The following FHIT variants were observed in gnomAD, a reference collection of about 807,000 sequenced individuals.
FHIT encodes the protein fragile histidine triad diadenosine triphosphatase.
A neutral mutation model predicts 17.9 loss-of-function variants in FHIT; 19 were observed. The observed-to-expected ratio is 1.06, with a 90% CI of 0.74 to 1.56. The LOEUF is 1.56. FHIT is among the 40% of genes most tolerant of loss of function. The pLI is 0.00. For synonymous variants in FHIT, 81 were observed against 69.7 expected (o/e 1.16, Z -0.81); for missense variants, 248 against 189.2 (o/e 1.31, Z -1.82).
intron 7 of FHIT, among the ~76,000 whole-genome samples, chr3:59,995,728 A>T (rs1397707154): frequency 6.6e-6 from 1 of 152,070 alleles, no homozygotes; most frequent in Non-Finnish European, 1.5e-5. Flanking sequence ...ACACATACCT[A>T]AACCACACAC....
intron 5 of FHIT, among the ~76,000 whole-genome samples, chr3:60,215,141 G>A (rs565614620): frequency 6.6e-6 from 1 of 152,008 alleles, no homozygotes; most frequent in South Asian, 2.1e-4. Flanking sequence ...CGTGTAACAA[G>A]CCTGGATGCA....
At chr3:60,690,503 T>C in intron 4 of FHIT, 1 of 564,364 alleles carries the variant, frequency 1.8e-6, no homozygotes, top group Admixed American at 1.9e-5. Flanking sequence ...TTGCTACCAG[T>C]GCCATTATGG....
At chr3:61,198,291 C>T (rs2038910538) in intron 2 of FHIT, among the ~76,000 whole-genome samples, 1 of 152,084 alleles carries the variant, frequency 6.6e-6, no homozygotes, top group African/African-American at 2.4e-5. Context: ...ACAGTGGTCT[C>T]ATAGTACATG....
chr3:61,208,248 T>A (rs1452012538), intron 1 of FHIT, among the ~76,000 whole-genome samples: 1 of 152,050 alleles, frequency 6.6e-6, no homozygotes, highest in African/African-American at 2.4e-5. Flanking sequence ...TGTGGTCAAT[T>A]TCAGAATAGG....
intron 8 of FHIT, among the ~76,000 whole-genome samples, chr3:59,764,536 G>A (rs1413689630): frequency 6.6e-6 from 1 of 152,110 alleles, no homozygotes; most frequent in African/African-American, 2.4e-5. Flanking sequence ...AGTTCTGATG[G>A]AGCTATTCCA....
intron 8 of FHIT, among the ~76,000 whole-genome samples, chr3:59,897,676 T>C (rs1704129912): frequency 6.6e-6 from 1 of 151,534 alleles, no homozygotes; most frequent in African/African-American, 2.4e-5. Context: ...GTTTACTCCA[T>C]TTATATAAGA....
At chr3:60,634,291 C>CA (rs112070988) in intron 4 of FHIT, among the ~76,000 whole-genome samples, 28 of 150,668 alleles carry the variant, frequency 1.9e-4, no homozygotes, top group Middle Eastern at 3.2e-3. Flanking sequence ...TCTAAAACAA[C>CA]AAAAAAAAAA....
At chr3:60,486,394 A>G (rs369898816) in intron 5 of FHIT, among the ~76,000 whole-genome samples, 2 of 152,188 alleles carry the variant, frequency 1.3e-5, no homozygotes. Flanking sequence ...CTGATCATAA[A>G]AAGTCTGTAT....
chr3:60,634,359 A>G (rs782812972), intron 4 of FHIT, among the ~76,000 whole-genome samples: 11 of 152,202 alleles, frequency 7.2e-5, no homozygotes, highest in Non-Finnish European at 2.9e-5. Flanking sequence ...TCACCGCTAC[A>G]TAAATTAGCC....
At chr3:60,430,489 T>C (rs1702843454) in intron 5 of FHIT, among the ~76,000 whole-genome samples, 1 of 152,086 alleles carries the variant, frequency 6.6e-6, no homozygotes, top group South Asian at 2.1e-4. Context: ...TTCTGGTTCA[T>C]TGTGGGTCTA....
chr3:60,100,703 A>T (rs538567288), intron 5 of FHIT, among the ~76,000 whole-genome samples: 1 of 152,270 alleles, frequency 6.6e-6, no homozygotes, highest in East Asian at 1.9e-4. Flanking sequence ...TTAAAACCAG[A>T]GTGAATTTAT....
At chr3:59,962,990 C>T (rs1174711483) in intron 7 of FHIT, among the ~76,000 whole-genome samples, 2 of 152,062 alleles carry the variant, frequency 1.3e-5, no homozygotes, top group African/African-American at 4.8e-5. Context: ...GTGCAGTGGC[C>T]CATGCCTGTA....
chr3:60,946,973 G>A (rs1471465066), intron 3 of FHIT, among the ~76,000 whole-genome samples: 4 of 152,184 alleles, frequency 2.6e-5, no homozygotes, highest in African/African-American at 9.7e-5. Flanking sequence ...TGATTTGAAC[G>A]AATTTAAATG....
intron 4 of FHIT, among the ~76,000 whole-genome samples, chr3:60,561,930 A>AGAAAGAG (rs1164828221): frequency 6.7e-6 from 1 of 148,552 alleles, no homozygotes; most frequent in African/African-American, 2.5e-5. Flanking sequence ...GAGAGAAAGA[A>AGAAAGAG]AAAGAGAAAG....
intron 3 of FHIT, among the ~76,000 whole-genome samples, chr3:60,874,872 T>G (rs1334832896): frequency 1.3e-5 from 2 of 152,194 alleles, no homozygotes; most frequent in African/African-American, 4.8e-5. Flanking sequence ...AAGGTCTGTG[T>G]TTGATTTGGC....
At chr3:60,073,512 T>C (rs1233960045) in intron 5 of FHIT, among the ~76,000 whole-genome samples, 1 of 152,100 alleles carries the variant, frequency 6.6e-6, no homozygotes, top group Non-Finnish European at 1.5e-5. Flanking sequence ...GTTTGCTCTC[T>C]CTCATTTCAA....
chr3:60,106,585 G>T (rs1184715914), intron 5 of FHIT, among the ~76,000 whole-genome samples: 6 of 152,168 alleles, frequency 3.9e-5, no homozygotes, highest in South Asian at 4.1e-4. Flanking sequence ...GTCTTTGATT[G>T]TATCCCCTGT....
intron 5 of FHIT, among the ~76,000 whole-genome samples, chr3:60,230,918 C>T (rs923591724): frequency 2.2e-4 from 34 of 152,146 alleles, no homozygotes; most frequent in Admixed American, 6.5e-4. Context: ...GCCATGTTGG[C>T]CAGGCTGGTC....
intron 5 of FHIT, among the ~76,000 whole-genome samples, chr3:60,190,602 C>A (rs1025555018): frequency 1.3e-5 from 2 of 151,620 alleles, no homozygotes; most frequent in African/African-American, 2.4e-5. Context: ...TACAACATCA[C>A]TGGGGACTGT....
Sources: gnomAD v4.1 joint callset for allele counts (sites outside exome capture counted in the v4.1 genomes callset) on GRCh38, gnomAD v4.1.1 for gene constraint, MANE v1.5 for transcripts, NCBI Gene and HGNC (gene_info 2026-07-23, HGNC 2026-07-21) for gene names.